Variants in WDPCP observed in about 807,000 individuals in gnomAD.
The protein encoded by WDPCP is WD repeat-containing and planar cell polarity effector protein fritz homolog.
Under a neutral mutation model 93.1 loss-of-function variants are expected in WDPCP, and 71 were observed. That is an observed-to-expected ratio of 0.76 (90% confidence interval 0.63 to 0.93). The LOEUF is 0.93. WDPCP is among the 40% of genes least tolerant of loss of function. The pLI is 0.00. For missense variants in WDPCP, 844 were observed against 887.4 expected (o/e 0.95, Z 0.62); for synonymous variants, 315 against 315.0 (o/e 1.00, Z 0.00).
chr2:63,819,931 T>C (rs941370502), intron 1 of WDPCP, among the ~76,000 whole-genome samples: 7 of 152,176 alleles, frequency 4.6e-5, no homozygotes, highest in African/African-American at 1.7e-4. Context: ...CTCACAGATT[T>C]TCTCAGAAGC....
chr2:63,737,083 G>C (rs1341389965), intron 2 of WDPCP, among the ~76,000 whole-genome samples: 2 of 152,124 alleles, frequency 1.3e-5, no homozygotes, highest in African/African-American at 4.8e-5. Flanking sequence ...TGTCTCATGT[G>C]TACTCCCAAA....
At chr2:63,562,430 T>C (rs1000762867) in intron 1 of WDPCP, among the ~76,000 whole-genome samples, 1 of 152,172 alleles carries the variant, frequency 6.6e-6, no homozygotes, top group African/African-American at 2.4e-5. Flanking sequence ...TGGGGCTTAA[T>C]ACCTAGGTGA....
At chr2:63,563,066 T>C (rs1706754312) in intron 1 of WDPCP, among the ~76,000 whole-genome samples, 1 of 152,120 alleles carries the variant, frequency 6.6e-6, no homozygotes, top group African/African-American at 2.4e-5. Context: ...CACACATACA[T>C]ACATACATAC....
chr2:63,709,187 T>A lies in WDPCP; in HGVS notation n.309-58349A>T, dbSNP rs575378517. On this transcript the variant is annotated intron_variant and non_coding_transcript_variant, in intron 2 of 4. Transcript: ENST00000467687. Reference sequence around the variant, plus strand: ...GGTGTGACCCGGGCTTGGTGATGTATGCCTGTAATCCCAGATACTAGGTAG... The same window carrying A: ...GGTGTGACCCGGGCTTGGTGATGTAAGCCTGTAATCCCAGATACTAGGTAG... 1.3e-4 allele frequency among the ~76,000 whole-genome samples: 14 copies of A among 107,414 alleles called. 1 individual carries two copies. In the South Asian group the frequency reaches 4.0e-3, roughly 30 times the overall value. 70.5% of individuals were successfully genotyped at this position (107,414 alleles called of 152,430 possible). A position where few individuals can be genotyped will look rare whatever the true frequency, so the allele number is the denominator to read the frequency against.
chr2:63,392,918 G>T (rs1308839879), intron 10 of WDPCP, among the ~76,000 whole-genome samples: 1 of 152,158 alleles, frequency 6.6e-6, no homozygotes, highest in African/African-American at 2.4e-5. Context: ...GGAGAAATAG[G>T]AACACTTTTA....
intron 17 of WDPCP, among the ~76,000 whole-genome samples, chr2:63,128,665 T>C (rs1239832640): frequency 6.6e-6 from 1 of 152,200 alleles, no homozygotes; most frequent in Non-Finnish European, 1.5e-5. Flanking sequence ...AAGCCTCTGA[T>C]AACCACTGTT....
At chr2:63,325,270 C>T (rs1687443550) in intron 12 of WDPCP, among the ~76,000 whole-genome samples, 1 of 152,002 alleles carries the variant, frequency 6.6e-6, no homozygotes, top group African/African-American at 2.4e-5. Flanking sequence ...TTTACAAGGA[C>T]ACTTTAAAAA....
At position 63,641,734 on chromosome 2, in the gene WDPCP, T is replaced by A. The variant is rs1035017574; in HGVS notation, n.488+8925A>T. Among the ~76,000 whole-genome samples the A allele has an allele frequency of 4.4e-4, 67 of 152,188 alleles. 1 individual carries two copies. Among genetic ancestry groups the A allele is most frequent in the African/African-American group, 1.4e-3 (59 of 41,430 alleles). Reference sequence around the variant, plus strand: ...GCAGCTTGCAAATATTTTCTCCCATTCTAGTAGTTGTCTCTTCACTTTATT... The same window carrying A: ...GCAGCTTGCAAATATTTTCTCCCATACTAGTAGTTGTCTCTTCACTTTATT... On this transcript the variant is annotated intron_variant and non_coding_transcript_variant, in intron 3 of 4. Coordinates refer to the WDPCP transcript ENST00000467687.
chr2:63,409,554 C>A (rs1165052010), intron 9 of WDPCP, among the ~76,000 whole-genome samples: 2 of 152,214 alleles, frequency 1.3e-5, no homozygotes, highest in East Asian at 3.9e-4. Context: ...GAAGAAATCC[C>A]TGATTTACCT....
chr2:63,675,217 T>G (rs571907914), intron 2 of WDPCP, among the ~76,000 whole-genome samples: 1 of 152,324 alleles, frequency 6.6e-6, no homozygotes, highest in South Asian at 2.1e-4. Flanking sequence ...TCTGCCTACA[T>G]GCCTCCTTCA....
chr2:63,378,703 GA>G (rs1351039855), intron 11 of WDPCP, among the ~76,000 whole-genome samples, 194 bp from the exon 12 acceptor site: 1 of 152,060 alleles, frequency 6.6e-6, no homozygotes, highest in African/African-American at 2.4e-5. Flanking sequence ...AGGCAAAGCT[GA>G]CAATGACTCT....
intron 1 of WDPCP, among the ~76,000 whole-genome samples, chr2:63,823,827 T>C (rs1671066479): frequency 6.6e-6 from 1 of 152,090 alleles, no homozygotes; most frequent in African/African-American, 2.4e-5. Context: ...TACAGTGAAA[T>C]AAAGACTTCA....
At chr2:63,478,203 G>A (rs1016245545) in intron 6 of WDPCP, among the ~76,000 whole-genome samples, 7 of 151,840 alleles carry the variant, frequency 4.6e-5, no homozygotes, top group Non-Finnish European at 8.8e-5. Flanking sequence ...ATCACTATTC[G>A]ACCTAAGAAA....
At chr2:63,452,105 GAGAA>G (rs1412737697) in intron 6 of WDPCP, among the ~76,000 whole-genome samples, 3 of 152,168 alleles carry the variant, frequency 2.0e-5, no homozygotes, top group African/African-American at 7.2e-5. Flanking sequence ...AATCAGGCAG[GAGAA>G]AGAAATAAAG....
At chr2:63,597,502 A>G (rs1709338844) in intron 3 of WDPCP, 1 of 1,521,916 alleles carries the variant, frequency 6.6e-7, no homozygotes, top group Non-Finnish European at 8.9e-7. Context: ...GAAAAGATTT[A>G]CTGAAAGCAA....
intron 1 of WDPCP, among the ~76,000 whole-genome samples, chr2:63,531,058 C>T (rs1044312829): frequency 2.0e-5 from 3 of 152,258 alleles, no homozygotes; most frequent in African/African-American, 7.2e-5. Flanking sequence ...CCTGGCTCGC[C>T]AGGTCCCACG....
chr2:63,464,568 A>C (rs956415049), intron 6 of WDPCP, among the ~76,000 whole-genome samples: 1 of 152,122 alleles, frequency 6.6e-6, no homozygotes, highest in Admixed American at 6.6e-5. Context: ...GGGGTCTTGA[A>C]GAGATATTTG....
chr2:63,266,830 T>C (rs1233483236), intron 13 of WDPCP, among the ~76,000 whole-genome samples: 1 of 151,890 alleles, frequency 6.6e-6, no homozygotes, highest in Non-Finnish European at 1.5e-5. Flanking sequence ...TCAATAAAAT[T>C]AAAAAATAAA....
At chr2:63,346,446 T>G (rs936252592) in intron 12 of WDPCP, among the ~76,000 whole-genome samples, 1 of 152,188 alleles carries the variant, frequency 6.6e-6, no homozygotes, top group African/African-American at 2.4e-5. Flanking sequence ...GATTTCTGAC[T>G]TCATTCAACA....
Sources: gnomAD v4.1 joint callset for allele counts (sites outside exome capture counted in the v4.1 genomes callset) on GRCh38, gnomAD v4.1.1 for gene constraint, MANE v1.5 for transcripts, NCBI Gene and HGNC (gene_info 2026-07-23, HGNC 2026-07-21) for gene names.